Variants in IMMP1L observed in about 807,000 individuals in gnomAD.
IMMP1L encodes mitochondrial inner membrane protease subunit 1.
A neutral mutation model predicts 21.8 loss-of-function variants in IMMP1L; 24 were observed. The ratio of observed to expected loss-of-function variants is 1.10; its 90% CI spans 0.80 to 1.55. The LOEUF (loss-of-function observed/expected upper bound fraction) is 1.55. IMMP1L is among the 40% of genes most tolerant of loss of function. IMMP1L has a pLI of 0.00. For missense variants in IMMP1L, 195 were observed against 200.7 expected (o/e 0.97, Z 0.17); for synonymous variants, 46 against 62.8 (o/e 0.73, Z 1.26).
At chr11:31,506,381 A>G (rs1355947017) in intron 1 of IMMP1L, among the ~76,000 whole-genome samples, 1 of 151,622 alleles carries the variant, frequency 6.6e-6, no homozygotes, top group Non-Finnish European at 1.5e-5. Context: ...GAAGCCCGCC[A>G]CCATGCCCAG....
chr11:31,496,915 CTT>C (rs977497822), intron 1 of IMMP1L, among the ~76,000 whole-genome samples: 7 of 147,336 alleles, frequency 4.8e-5, no homozygotes, highest in Admixed American at 2.0e-4. Context: ...ATAATACAAT[CTT>C]ATATATTATA....
Position 31,509,580 on chromosome 11 carries a change from G to C in IMMP1L, c.-91C>G. 1.7e-6 allele frequency: 1 copy of C among 605,016 alleles called. No homozygotes were observed. Among genetic ancestry groups the C allele is most frequent in the Admixed American group, 2.9e-5 (1 of 34,114 alleles). The allele number at this position is 605,016 out of a possible 1,614,324, so 37.5% of individuals were successfully genotyped here. A position where few individuals can be genotyped will look rare whatever the true frequency, so the allele number is the denominator to read the frequency against. ...GACACAGGTGGGCCTTTCTCACCTGGGCCCCGCCGAAGTCGACCGTCCTTT... is the reference window on the plus strand; with the variant it reads ...GACACAGGTGGGCCTTTCTCACCTGCGCCCCGCCGAAGTCGACCGTCCTTT... On this transcript the variant is annotated 5_prime_UTR_variant, in exon 1 of 6. Coordinates refer to ENST00000532287, the MANE Select transcript of IMMP1L (RefSeq NM_001304274.2).
rs916053783 is a variant in IMMP1L, at chr11:31,432,529, G to T, written c.472C>A (p.Pro158Thr). The change falls in exon 6 of 6, where the codon CCT becomes ACT. Residue 158 changes from proline (P) to threonine (T), a missense_variant. Coordinates refer to ENST00000532287, the MANE Select transcript of IMMP1L (RefSeq NM_001304274.2). ...TCATCAGAAAATCTGTGGCCATTAGGGCTGGCACGTAAAAATCCAAAATCA... is the reference window on the plus strand; with the variant it reads ...TCATCAGAAAATCTGTGGCCATTAGTGCTGGCACGTAAAAATCCAAAATCA... Reference protein sequence around the residue: ...LSDFGFLRASPNGHRFSDD With the variant: ...LSDFGFLRASTNGHRFSDD 2 of 1,612,876 alleles carry T rather than the reference G, an allele frequency of 1.2e-6. No homozygotes were observed. The highest frequency in any genetic ancestry group is 1.7e-6 in the Non-Finnish European group (2 of 1,179,298).
intron 1 of IMMP1L, among the ~76,000 whole-genome samples, chr11:31,468,127 C>G (rs1379364208): frequency 6.6e-6 from 1 of 151,992 alleles, no homozygotes; most frequent in Non-Finnish European, 1.5e-5. Flanking sequence ...AATATGAAAT[C>G]TTGAATTGGA....
At chr11:31,476,437 A>G (rs1275299901) in intron 1 of IMMP1L, among the ~76,000 whole-genome samples, 1 of 152,092 alleles carries the variant, frequency 6.6e-6, no homozygotes, top group Non-Finnish European at 1.5e-5. Flanking sequence ...TTTATATGGA[A>G]AAGAATAAAA....
chr11:31,452,511 C>T lies in IMMP1L; in HGVS notation c.321+3749G>A. 5.1e-6 allele frequency: 5 copies of T among 985,350 alleles called. No homozygotes were observed. The South Asian group carries it at 1.9e-4, about 37-fold the overall frequency. 61.0% of individuals were successfully genotyped at this position (985,350 alleles called of 1,614,324 possible). On this transcript the variant is annotated intron_variant, in intron 4 of 5. Transcript: ENST00000532287. Reference sequence around the variant, plus strand: ...CTTATTTGCTACATGCTCCTACTTCCAACTAAATTATTTTTTCTGATAAAG... The same window carrying T: ...CTTATTTGCTACATGCTCCTACTTCTAACTAAATTATTTTTTCTGATAAAG...
At chr11:31,500,054 C>A (rs1447038707) in intron 1 of IMMP1L, among the ~76,000 whole-genome samples, 1 of 152,104 alleles carries the variant, frequency 6.6e-6, no homozygotes, top group Non-Finnish European at 1.5e-5. Flanking sequence ...GCCTCCTCAT[C>A]TGGCTATTAG....
intron 1 of IMMP1L, among the ~76,000 whole-genome samples, chr11:31,478,093 G>A (rs1349223176): frequency 6.6e-6 from 1 of 152,170 alleles, no homozygotes; most frequent in Non-Finnish European, 1.5e-5. Flanking sequence ...TGACCCAGAG[G>A]CATTCATTCT....
chr11:31,506,209 C>T (rs540230050), intron 1 of IMMP1L, among the ~76,000 whole-genome samples: 6 of 151,678 alleles, frequency 4.0e-5, no homozygotes, highest in South Asian at 2.1e-4. Flanking sequence ...TAATTAAGAA[C>T]GCACCTAAAC....
intron 1 of IMMP1L, among the ~76,000 whole-genome samples, chr11:31,472,960 G>A (rs1332147722): frequency 2.0e-5 from 3 of 152,078 alleles, no homozygotes; most frequent in Non-Finnish European, 1.5e-5. Flanking sequence ...CCGCCTCCCA[G>A]GTTCACACCA....
In IMMP1L at chr11:31,486,352, T is replaced by C. The variant is rs1250547228; in HGVS notation, c.-29-23047A>G. Among the ~76,000 whole-genome samples the C allele has an allele frequency of 4.6e-5, 7 of 152,010 alleles. No individual in the cohort carries two copies. The East Asian group carries it at 1.4e-3, about 29-fold the overall frequency. ...CTTCATCAGTAAAGTGAAGGAGTTATAGAAGGCATGATATGTTACTAAATA... is the reference window on the plus strand; with the variant it reads ...CTTCATCAGTAAAGTGAAGGAGTTACAGAAGGCATGATATGTTACTAAATA... On this transcript the variant is annotated intron_variant, in intron 1 of 5. Transcript: ENST00000532287.
At chr11:31,454,507 C>A (rs2133622086) in intron 4 of IMMP1L, among the ~76,000 whole-genome samples, 2 of 124,416 alleles carry the variant, frequency 1.6e-5, no homozygotes, top group Non-Finnish European at 1.8e-5. Context: ...GTTCTCACTA[C>A]AAGGAAATAA....
chr11:31,438,040 C>A (rs1265596601), intron 4 of IMMP1L, among the ~76,000 whole-genome samples: 1 of 152,052 alleles, frequency 6.6e-6, no homozygotes, highest in East Asian at 1.9e-4. Flanking sequence ...GCACTGTGAA[C>A]ATTCATGTAC....
intron 1 of IMMP1L, among the ~76,000 whole-genome samples, chr11:31,469,220 A>G (rs1393661573): frequency 6.6e-6 from 1 of 152,216 alleles, no homozygotes; most frequent in African/African-American, 2.4e-5. Context: ...ATTGCATTCA[A>G]TCAAAGCACA....
rs536008398 is a variant in IMMP1L at position 31,433,492 on chromosome 11, A to G, written c.400T>C (p.Tyr134His). 2 of 1,607,350 alleles carry G rather than the reference A, an allele frequency of 1.2e-6. No individual in the cohort carries two copies. Among genetic ancestry groups the G allele is most frequent in the Admixed American group, 1.7e-5 (1 of 59,780 alleles). ...TDSRCYGPIP[Y>H]GLIRGRIFFK... is the part of the protein sequence containing the mutation. ...AAGATTCGTCCTCTTATTAGTCCAT[A>G]TGGAATAGGTCCATAGCACCTGGAA... Residue 134 changes from tyrosine (Y) to histidine (H), a missense_variant, in exon 5 of 6, where the codon TAT becomes CAT. Tyr to His is a moderately conservative substitution (Grantham distance 83). Transcript: ENST00000532287.
intron 1 of IMMP1L, among the ~76,000 whole-genome samples, chr11:31,506,476 C>T (rs1048823549): frequency 6.6e-5 from 10 of 151,820 alleles, no homozygotes; most frequent in Non-Finnish European, 1.3e-4. Flanking sequence ...GTGATCTGCA[C>T]GCCTCGTCCT....
At chr11:31,498,039 C>G (rs945021799) in intron 1 of IMMP1L, among the ~76,000 whole-genome samples, 1 of 151,992 alleles carries the variant, frequency 6.6e-6, no homozygotes, top group African/African-American at 2.4e-5. Context: ...GAAAAACGAT[C>G]GTCATGTATG....
chr11:31,433,529 C>A lies in IMMP1L; in HGVS notation c.363G>T (p.Gln121His), dbSNP rs771525870. 6.2e-7 allele frequency: 1 copy of A among 1,611,988 alleles called. No individual in the cohort carries two copies. The highest frequency in any genetic ancestry group is 2.2e-5 in the East Asian group (1 of 44,776). Residue 121 changes from glutamine (Q) to histidine (H), a missense_variant, in exon 5 of 6, where the codon CAG (glutamine) becomes CAT (histidine). Coordinates refer to ENST00000532287, the MANE Select transcript of IMMP1L (RefSeq NM_001304274.2). Reference sequence around the variant, plus strand: ...CATAGCACCTGGAATCTGTAGAATTCTGTAGATTGTCACCTTCTAACCAAA... The same window carrying A: ...CATAGCACCTGGAATCTGTAGAATTATGTAGATTGTCACCTTCTAACCAAA... ...GHVWLEGDNL[Q>H]NSTDSRCYGP... is the part of the protein sequence containing the mutation.
intron 1 of IMMP1L, among the ~76,000 whole-genome samples, chr11:31,486,616 G>A (rs1407480721): frequency 6.6e-6 from 1 of 151,874 alleles, no homozygotes; most frequent in Admixed American, 6.6e-5. Flanking sequence ...ATGTAACCAG[G>A]ATATTTTTTA....
Sources: allele counts gnomAD v4.1 joint callset (sites outside exome capture counted in the v4.1 genomes callset), GRCh38; gene constraint gnomAD v4.1.1; transcripts MANE v1.5; gene names NCBI Gene and HGNC (gene_info 2026-07-23, HGNC 2026-07-21).